Variants in ZNF880 observed in about 807,000 individuals in gnomAD.
The protein encoded by ZNF880 is zinc finger protein LOC400713.
Under a neutral mutation model 11.8 loss-of-function variants are expected in ZNF880, and 12 were observed. The observed-to-expected ratio is 1.02, with a 90% CI of 0.65 to 1.65. The LOEUF (loss-of-function observed/expected upper bound fraction) is 1.65. ZNF880 is among the 40% of genes most tolerant of loss of function. The probability of loss-of-function intolerance (pLI) is 0.00; values close to 1 mark genes in which losing one functional copy is unlikely to be tolerated. For synonymous variants in ZNF880, 210 were observed against 232.4 expected (o/e 0.90, Z 0.88); for missense variants, 601 against 673.9 (o/e 0.89, Z 1.20).
At chr19:52,373,900 A>C (rs1345355886) in intron 2 of ZNF880, among the ~76,000 whole-genome samples, 4 of 148,802 alleles carry the variant, frequency 2.7e-5, no homozygotes, top group African/African-American at 9.9e-5. Flanking sequence ...TGAACTCCTG[A>C]CCTCGTGATC....
upstream of ZNF880, among the ~76,000 whole-genome samples, chr19:52,369,194 C>T (rs1418349813): frequency 6.6e-6 from 1 of 151,400 alleles, no homozygotes; most frequent in African/African-American, 2.4e-5. Context: ...AACCCTGTCT[C>T]TATTAAAAGT....
chr19:52,395,997 C>T, the ZNF880 span, among the ~76,000 whole-genome samples: 1 of 152,138 alleles, frequency 6.6e-6, no homozygotes, highest in South Asian at 2.1e-4. Context: ...GCTCTGTCTC[C>T]CAGGCTGGAG....
chr19:52,377,939 G>A (rs1485394725), intron 3 of ZNF880, among the ~76,000 whole-genome samples: 4 of 152,168 alleles, frequency 2.6e-5, no homozygotes, highest in South Asian at 2.1e-4. Context: ...TCCGCCTCCT[G>A]GTTCAAGTGA....
At chr19:52,396,085 G>A in the ZNF880 span, among the ~76,000 whole-genome samples, 1 of 151,162 alleles carries the variant, frequency 6.6e-6, no homozygotes, top group Admixed American at 6.6e-5. Flanking sequence ...CTCTCGAGTA[G>A]CTGGGACTAC....
Position 52,374,224 on chromosome 19 carries a change from T to G in ZNF880, c.140-75T>G, listed in dbSNP as rs1986484898. The stretch of plus-strand genomic sequence containing the variant: ...CACGCCCCGCTAATTTTTTTTTTTT[T>G]TGTATTTTTTAGTAGAGATGGGGTT... On this transcript the variant is annotated intron_variant, in intron 2 of 3. Transcript: ENST00000422689. 10 of 1,353,928 alleles carry G rather than the reference T, an allele frequency of 7.4e-6. No homozygotes were observed. The South Asian group carries it at 1.4e-4, about 18-fold the overall frequency. 83.9% of individuals were successfully genotyped at this position (1,353,928 alleles called of 1,614,324 possible).
At chr19:52,367,067 A>G (rs888663981), upstream of ZNF880, 4 of 346,044 alleles carry the variant, frequency 1.2e-5, no homozygotes, top group African/African-American at 2.1e-5. Flanking sequence ...TAACTCTTTG[A>G]TTTAGAATGT....
chr19:52,393,929 T>C, the ZNF880 span, among the ~76,000 whole-genome samples: 4,860 of 143,972 alleles, frequency 0.034, 270 homozygotes, highest in East Asian at 0.19. Context: ...CTCCGCCTCC[T>C]GAGTTCACGC....
At chr19:52,382,102 C>T (rs4802927) in intron 3 of ZNF880, among the ~76,000 whole-genome samples, 25,684 of 151,870 alleles carry the variant, frequency 0.17, 2,628 homozygotes, top group Non-Finnish European at 0.23. Flanking sequence ...GGCGAAACCC[C>T]GTCTCTACTA....
the ZNF880 span, among the ~76,000 whole-genome samples, chr19:52,394,426 G>C: frequency 6.6e-6 from 1 of 151,622 alleles, no homozygotes; most frequent in East Asian, 2.0e-4. Context: ...GTAGAGATGG[G>C]GTTTCACCAT....
chr19:52,393,834 C>CTT, the ZNF880 span, among the ~76,000 whole-genome samples: 1,679 of 144,080 alleles, frequency 0.012, 86 homozygotes, highest in East Asian at 0.1. Flanking sequence ...TTGCCCCCCC[C>CTT]CTTTTTTTTT....
In ZNF880 at chr19:52,384,266, A is replaced by G. The variant is rs761385019; in HGVS notation, c.686A>G (p.Gln229Arg). 1.2e-6 allele frequency: 2 copies of G among 1,613,442 alleles called. No individual in the cohort carries two copies. The highest frequency in any genetic ancestry group is 1.1e-5 in the South Asian group (1 of 91,014). ...TTCAGTAACAGTTCAAACCTTGTACAACATCAAAGAATTCATACTGGAGAG... is the reference window on the plus strand; with the variant it reads ...TTCAGTAACAGTTCAAACCTTGTACGACATCAAAGAATTCATACTGGAGAG... ...KVFSNSSNLV[Q>R]HQRIHTGEKP... is the part of the protein sequence containing the mutation. The change falls in exon 4 of 4, where the codon CAA becomes CGA. Residue 229 changes from glutamine (Q) to arginine (R), a missense_variant. Physicochemically the swap from Gln to Arg is conservative, Grantham distance 43. Around this residue, in one of 3 missense-constraint regions of ZNF880, gnomAD observed 420 missense variants for 442.6 expected, o/e 0.95. Transcript: ENST00000422689.
intron 3 of ZNF880, among the ~76,000 whole-genome samples, chr19:52,383,358 C>T (rs1380375110): frequency 1.3e-5 from 2 of 152,072 alleles, no homozygotes; most frequent in South Asian, 2.1e-4. Flanking sequence ...TTGTAGGCCT[C>T]GTAATTTTTG....
chr19:52,376,495 CG>C (rs1264074981), intron 3 of ZNF880, among the ~76,000 whole-genome samples: 2 of 24,242 alleles, frequency 8.3e-5, no homozygotes, highest in African/African-American at 1.6e-4. Context: ...TCCTTAGCAC[CG>C]CCCCCCCCCC....
chr19:52,393,496 AATACT>A, the ZNF880 span, among the ~76,000 whole-genome samples: 1 of 152,070 alleles, frequency 6.6e-6, no homozygotes, highest in East Asian at 1.9e-4. Context: ...AAAGGGAAAA[AATACT>A]TTTATTGTAT....
At chr19:52,378,905 T>C (rs1208213078) in intron 3 of ZNF880, among the ~76,000 whole-genome samples, 1 of 151,728 alleles carries the variant, frequency 6.6e-6, no homozygotes, top group Non-Finnish European at 1.5e-5. Flanking sequence ...TGGCAAGAAC[T>C]TGTCTCTACA....
intron 3 of ZNF880, chr19:52,380,183 A>G (rs1191347920): frequency 6.6e-6 from 1 of 152,182 alleles, no homozygotes; most frequent in Non-Finnish European, 1.5e-5. Context: ...TACAGGCGTG[A>G]GCCACCGTAC....
At chr19:52,368,973 C>CAAA (rs3029482), upstream of ZNF880, among the ~76,000 whole-genome samples, 4 of 71,854 alleles carry the variant, frequency 5.6e-5, no homozygotes, top group Admixed American at 2.2e-4. Context: ...GAGACCATCT[C>CAAA]AAAAAAAAAA....
intron 3 of ZNF880, among the ~76,000 whole-genome samples, chr19:52,375,192 A>T (rs1394847687): frequency 1.4e-5 from 2 of 142,946 alleles, no homozygotes; most frequent in African/African-American, 2.6e-5. Flanking sequence ...TATTTTTATT[A>T]ATTTATTTTT....
intron 3 of ZNF880, among the ~76,000 whole-genome samples, chr19:52,378,945 C>G (rs1986631275): frequency 6.6e-6 from 1 of 151,974 alleles, no homozygotes; most frequent in Non-Finnish European, 1.5e-5. Flanking sequence ...TGTGGTGGTG[C>G]ACACCTGTAG....
Sources: allele counts gnomAD v4.1 joint callset (sites outside exome capture counted in the v4.1 genomes callset), GRCh38; gene constraint gnomAD v4.1.1; regional missense constraint gnomAD v4.1.1; transcripts MANE v1.5; gene names NCBI Gene and HGNC (gene_info 2026-07-23, HGNC 2026-07-21).